PTPRE: variants seen among roughly 807,000 people sequenced by gnomAD.
The protein encoded by PTPRE is receptor-type tyrosine-protein phosphatase epsilon.
Under a neutral mutation model 102.0 loss-of-function variants are expected in PTPRE, and 51 were observed. The observed-to-expected ratio is 0.50, with a 90% CI of 0.40 to 0.63. PTPRE has a LOEUF of 0.63. Ranked by LOEUF, PTPRE falls within the 30% of genes least tolerant of loss-of-function variation. The pLI, the probability that PTPRE is intolerant of heterozygous loss-of-function variation, is 0.00. For missense variants in PTPRE, 752 were observed against 915.1 expected, an observed-to-expected ratio of 0.82 and a Z score of 2.30; for synonymous variants, 345 against 348.2, an observed-to-expected ratio of 0.99 and a Z score of 0.10.
At chr10:127,946,296 T>C (rs942731079) in intron 1 of PTPRE, among the ~76,000 whole-genome samples, 9 of 152,200 alleles carry the variant, frequency 5.9e-5, no homozygotes, top group African/African-American at 2.2e-4. Context: ...ATTTCACTGA[T>C]ATTGATAACT....
At chr10:128,039,222 TAGAAGGGCC>T (rs751886499) in intron 2 of PTPRE, among the ~76,000 whole-genome samples, 4 of 152,176 alleles carry the variant, frequency 2.6e-5, no homozygotes, top group Non-Finnish European at 5.9e-5. Context: ...CTGCCTGTCG[TAGAAGGGCC>T]AGGGCAGCAT....
intron 2 of PTPRE, among the ~76,000 whole-genome samples, chr10:128,040,107 GCT>G (rs894941169): frequency 1.3e-5 from 2 of 152,112 alleles, no homozygotes; most frequent in African/African-American, 4.8e-5. Context: ...TACTCAATTG[GCT>G]CTGTCAAGAT....
intron 1 of PTPRE, among the ~76,000 whole-genome samples, chr10:127,980,078 C>G (rs982942612): frequency 2.0e-5 from 3 of 152,002 alleles, no homozygotes; most frequent in Non-Finnish European, 4.4e-5. Context: ...ATAAGTTATT[C>G]CTACAAAAAA....
chr10:127,987,498 T>A, intron 2 of PTPRE: 1 of 481,992 alleles, frequency 2.1e-6, no homozygotes, highest in Non-Finnish European at 3.3e-6. Context: ...TAAAGAATAT[T>A]ACCAGGAAGG....
At chr10:128,012,067 G>T (rs1845064538) in intron 2 of PTPRE, among the ~76,000 whole-genome samples, 1 of 152,204 alleles carries the variant, frequency 6.6e-6, no homozygotes, top group African/African-American at 2.4e-5. Flanking sequence ...GTGAGCCTGG[G>T]TGTGAACCCA....
intron 3 of PTPRE, among the ~76,000 whole-genome samples, chr10:128,042,982 A>G (rs767098217): frequency 6.6e-6 from 1 of 152,172 alleles, no homozygotes; most frequent in Non-Finnish European, 1.5e-5. Context: ...AAATGACATT[A>G]TCATTTTACC....
chr10:128,055,987 G>C (rs991577093), intron 6 of PTPRE, 136 bp from the exon 7 acceptor site: 12 of 682,698 alleles, frequency 1.8e-5, no homozygotes, highest in Non-Finnish European at 2.8e-5. Context: ...TGCAAGGTCT[G>C]AGGCAGAGAC....
At chr10:128,003,230 C>T (rs912894856) in intron 2 of PTPRE, among the ~76,000 whole-genome samples, 9 of 152,240 alleles carry the variant, frequency 5.9e-5, no homozygotes, top group South Asian at 2.1e-4. Flanking sequence ...ACTCAGCACA[C>T]GCCTGCACGT....
At chr10:128,069,548 G>A in intron 12 of PTPRE, 144 bp from the exon 13 acceptor site, 1 of 1,083,682 alleles carries the variant, frequency 9.2e-7, no homozygotes, top group Non-Finnish European at 1.3e-6. Flanking sequence ...TCCCTCTGGT[G>A]GCTGCACTGT....
intron 1 of PTPRE, among the ~76,000 whole-genome samples, chr10:127,935,048 G>T (rs1187531747): frequency 6.6e-6 from 1 of 152,158 alleles, no homozygotes; most frequent in Non-Finnish European, 1.5e-5. Context: ...TTCTTAGCAG[G>T]TGCTCCCATC....
chr10:128,005,803 G>A (rs1252214210), intron 2 of PTPRE, among the ~76,000 whole-genome samples: 1 of 152,172 alleles, frequency 6.6e-6, no homozygotes, highest in African/African-American at 2.4e-5. Flanking sequence ...TCCGGAGGCT[G>A]CAAGTCTGAA....
intron 1 of PTPRE, among the ~76,000 whole-genome samples, chr10:127,959,750 A>G (rs921313319): frequency 6.6e-6 from 1 of 152,166 alleles, no homozygotes; most frequent in Non-Finnish European, 1.5e-5. Flanking sequence ...CAGCAGGGTG[A>G]CTTAGGATTG....
intron 2 of PTPRE, among the ~76,000 whole-genome samples, chr10:128,007,224 A>T (rs1854650728): frequency 6.6e-6 from 1 of 152,206 alleles, no homozygotes; most frequent in Admixed American, 6.5e-5. Flanking sequence ...GGGTGGGGGA[A>T]AAATACTGCT....
At chr10:127,994,198 G>T (rs1224940897) in intron 2 of PTPRE, among the ~76,000 whole-genome samples, 2 of 152,232 alleles carry the variant, frequency 1.3e-5, no homozygotes, top group African/African-American at 2.4e-5. Flanking sequence ...TACGAGAAGT[G>T]AGGGTCAGAG....
intron 17 of PTPRE, 82 bp downstream of exon 17, chr10:128,073,553 C>T: frequency 2.7e-6 from 4 of 1,496,698 alleles, no homozygotes; most frequent in Non-Finnish European, 3.6e-6. Context: ...AAATGTCCCA[C>T]CTGCCATCAC....
At chr10:128,035,558 C>A (rs763557859) in intron 2 of PTPRE, among the ~76,000 whole-genome samples, 1 of 152,230 alleles carries the variant, frequency 6.6e-6, no homozygotes, top group Non-Finnish European at 1.5e-5. Context: ...GCTCCCAAAT[C>A]ATTGTCTCCT....
At chr10:128,060,558 CA>C (rs1447036774) in intron 7 of PTPRE, among the ~76,000 whole-genome samples, 2 of 152,170 alleles carry the variant, frequency 1.3e-5, no homozygotes, top group Non-Finnish European at 2.9e-5. Flanking sequence ...CCACACTTGG[CA>C]ACACTGGGGC....
chr10:128,079,733 GAATT>G, intron 20 of PTPRE, 38 bp downstream of exon 20: 2 of 1,584,324 alleles, frequency 1.3e-6, no homozygotes, highest in East Asian at 4.5e-5. Flanking sequence ...GAAGAGTGGA[GAATT>G]ATTTCATGTT....
rs556398922 is a variant in PTPRE at position 127,930,522 on chromosome 10, G to A, written c.-31+23213G>A. On this transcript the variant is annotated intron_variant, in intron 1 of 20. Transcript: ENST00000254667. ...GTTTGTTTATCCATTTCCCAGTTGG[G>A]GGACATTTGGGTTGTCTTCAGTTTG... Among the ~76,000 whole-genome samples the A allele has an allele frequency of 6.6e-5, 10 of 152,270 alleles. No homozygotes were observed. In the South Asian group the frequency reaches 2.1e-3, roughly 32 times the overall value.
Sources: gnomAD v4.1 joint callset for allele counts (sites outside exome capture counted in the v4.1 genomes callset) on GRCh38, gnomAD v4.1.1 for gene constraint, MANE v1.5 for transcripts, NCBI Gene and HGNC (gene_info 2026-07-23, HGNC 2026-07-21) for gene names.